The following XIAP variants were observed in gnomAD, a reference collection of about 807,000 sequenced individuals.
XIAP encodes X-linked inhibitor of apoptosis, also known as E3 ubiquitin-protein ligase XIAP.
In XIAP, 3 loss-of-function variants were observed where a neutral mutation model predicts 33.1. That is an observed-to-expected ratio of 0.09 (90% CI 0.04 to 0.23). The LOEUF (loss-of-function observed/expected upper bound fraction) is 0.23. Ranked by LOEUF, XIAP falls within the 10% of genes least tolerant of loss-of-function variation. XIAP has a pLI of 1.00. For synonymous variants in XIAP, 98 were observed against 121.3 expected (o/e 0.81, Z 1.26); for missense variants, 264 against 363.0 (o/e 0.73, Z 2.22).
At chrX:123,876,558 A>G (rs2053246057) in intron 1 of XIAP, among the ~76,000 whole-genome samples, 1 of 110,741 alleles carries the variant, frequency 9.0e-6, no homozygotes, top group African/African-American at 3.3e-5. Flanking sequence ...TTTTAAAATT[A>G]GCAGGGCATG....
chrX:123,889,738 C>T (rs770468694), intron 3 of XIAP, among the ~76,000 whole-genome samples: 41 of 109,471 alleles, frequency 3.7e-4, no homozygotes, highest in South Asian at 1.9e-3. Flanking sequence ...AGGCTGGTCT[C>T]GAACTCCCAA....
intron 2 of XIAP, among the ~76,000 whole-genome samples, chrX:123,887,218 A>C (rs969819785): frequency 9.0e-6 from 1 of 111,163 alleles, no homozygotes; most frequent in African/African-American, 3.3e-5. Flanking sequence ...ATGCCTGGCT[A>C]ATTTTTGTAC....
At chrX:123,904,438 A>G (rs975189165) in intron 6 of XIAP, among the ~76,000 whole-genome samples, 8 of 110,176 alleles carry the variant, frequency 7.3e-5, no homozygotes, top group African/African-American at 2.3e-4. Context: ...CGTTTTCTCT[A>G]TCTGTATACC....
chrX:123,886,648 T>C, intron 2 of XIAP, 109 bp downstream of exon 2: 3 of 841,413 alleles, frequency 3.6e-6, no homozygotes. Context: ...AGGTATAACT[T>C]GGCATGATTA....
At chrX:123,880,179 G>A (rs997691753) in intron 1 of XIAP, among the ~76,000 whole-genome samples, 8 of 109,693 alleles carry the variant, frequency 7.3e-5, no homozygotes, top group South Asian at 3.9e-4. Context: ...TTGGGAGGCC[G>A]AGGCGGGCGG....
chrX:123,913,426 C>T lies in XIAP; in HGVS notation c.*6245C>T, dbSNP rs755896559. Reference sequence around the variant, plus strand: ...CGGAGGTTGCAGGGAGCCAAGATGGCGCCACCGCACTCCAGCCTAGGTGAT... The same window carrying T: ...CGGAGGTTGCAGGGAGCCAAGATGGTGCCACCGCACTCCAGCCTAGGTGAT... On this transcript the variant is annotated 3_prime_UTR_variant, in exon 7 of 7. Coordinates refer to ENST00000371199, the MANE Select transcript of XIAP (RefSeq NM_001167.4). The T allele has an allele frequency of 6.2e-5, 20 of 325,136 alleles. No homozygotes were observed. Among genetic ancestry groups the T allele is most frequent in the Admixed American group, 3.2e-5 (1 of 31,625 alleles). 26.8% of individuals were successfully genotyped at this position (325,136 alleles called of 1,213,427 possible). A position where few individuals can be genotyped will look rare whatever the true frequency, so the allele number is the denominator to read the frequency against.
intron 1 of XIAP, among the ~76,000 whole-genome samples, chrX:123,879,576 A>G (rs2053279120): frequency 9.3e-6 from 1 of 107,840 alleles, no homozygotes; most frequent in African/African-American, 3.4e-5. Context: ...TGGCCTCCCA[A>G]AGTGCTAGGA....
At chrX:123,865,593 A>G in intron 1 of XIAP, among the ~76,000 whole-genome samples, 1 of 107,500 alleles carries the variant, frequency 9.3e-6, no homozygotes, top group Non-Finnish European at 1.9e-5. Flanking sequence ...GCGTGGTGGC[A>G]GGCGCCTGTA....
intron 5 of XIAP, among the ~76,000 whole-genome samples, chrX:123,895,613 A>T (rs1392488348): frequency 9.0e-6 from 1 of 111,724 alleles, no homozygotes; most frequent in Non-Finnish European, 1.9e-5. Context: ...TATCTGTCTT[A>T]TTTATCACAG....
intron 5 of XIAP, 79 bp from the exon 6 acceptor site, chrX:123,900,414 A>G (rs1023125901): frequency 4.6e-6 from 4 of 876,403 alleles, no homozygotes; most frequent in South Asian, 2.3e-5. Flanking sequence ...CATTTTAACT[A>G]TATTTTGCTA....
intron 1 of XIAP, among the ~76,000 whole-genome samples, chrX:123,874,869 A>ATTTTT (rs773693860): frequency 4.7e-5 from 2 of 42,771 alleles, no homozygotes; most frequent in African/African-American, 2.0e-4. Flanking sequence ...TAATTCTTGT[A>ATTTTT]TTTTTTTTTT....
intron 1 of XIAP, chrX:123,878,659 T>G (rs1252171865): frequency 8.8e-6 from 1 of 113,102 alleles, no homozygotes; most frequent in African/African-American, 3.2e-5. Context: ...ATTCTATGTT[T>G]GTACTACTGC....
Position 123,907,949 on chromosome X carries a change from T to C in XIAP, c.*768T>C. 3.3e-6 allele frequency: 1 copy of C among 305,041 alleles called. No individual in the cohort carries two copies. 25.1% of individuals were successfully genotyped at this position (305,041 alleles called of 1,213,427 possible). A position where few individuals can be genotyped will look rare whatever the true frequency, so the allele number is the denominator to read the frequency against. ...ACACCAAACTGTTAAATGTGGTTTC[T>C]CTTCGGGGAGGGGGGGATTGGGGGA... On this transcript the variant is annotated 3_prime_UTR_variant, in exon 7 of 7. Transcript: ENST00000371199.
intron 2 of XIAP, among the ~76,000 whole-genome samples, chrX:123,887,561 T>C (rs1474128384): frequency 1.8e-5 from 2 of 112,790 alleles, no homozygotes; most frequent in African/African-American, 6.4e-5. Context: ...CATGTAGCTA[T>C]AAACTTAGAG....
intron 2 of XIAP, 146 bp from the exon 3 acceptor site, chrX:123,888,473 G>A: frequency 1.9e-6 from 1 of 535,790 alleles, no homozygotes; most frequent in Non-Finnish European, 3.3e-6. Context: ...AATCATATCT[G>A]TTACTTAGAT....
intron 6 of XIAP, among the ~76,000 whole-genome samples, chrX:123,902,941 G>C (rs995519650): frequency 1.8e-5 from 2 of 110,615 alleles, no homozygotes; most frequent in Non-Finnish European, 3.8e-5. Context: ...AGGGCTTTGT[G>C]GGGAGGAGAA....
rs111950307 is a variant in XIAP at position 123,909,477 on chromosome X, A to G, written c.*2296A>G. ...AGTCATTAACTTGAATTTGGTCTGTATAGTCTAGACTTTAAATTTAAAGTT... is the reference window on the plus strand; with the variant it reads ...AGTCATTAACTTGAATTTGGTCTGTGTAGTCTAGACTTTAAATTTAAAGTT... On this transcript the variant is annotated 3_prime_UTR_variant, in exon 7 of 7. Coordinates refer to ENST00000371199, the MANE Select transcript of XIAP (RefSeq NM_001167.4). 1 of 220,408 alleles carries G rather than the reference A, an allele frequency of 4.5e-6. No homozygotes were observed. Among genetic ancestry groups the G allele is most frequent in the Non-Finnish European group, 8.4e-6 (1 of 118,771 alleles). 18.2% of individuals were successfully genotyped at this position (220,408 alleles called of 1,213,427 possible). A position where few individuals can be genotyped will look rare whatever the true frequency, so the allele number is the denominator to read the frequency against.
chrX:123,883,808 A>C (rs1237523400), intron 1 of XIAP, among the ~76,000 whole-genome samples: 2 of 110,638 alleles, frequency 1.8e-5, no homozygotes, highest in African/African-American at 6.6e-5. Flanking sequence ...TTTTTTTAAG[A>C]CTAGTCAAGT....
chrX:123,903,752 G>T (rs1297799262), intron 6 of XIAP, among the ~76,000 whole-genome samples: 1 of 106,520 alleles, frequency 9.4e-6, no homozygotes, highest in Admixed American at 1.0e-4. Context: ...TTGTTGCACA[G>T]TCAACCTCCA....
Sources: allele counts gnomAD v4.1 joint callset (sites outside exome capture counted in the v4.1 genomes callset), GRCh38; gene constraint gnomAD v4.1.1; transcripts MANE v1.5; gene names NCBI Gene and HGNC (gene_info 2026-07-23, HGNC 2026-07-21).